Variants in PLCXD1 observed in about 807,000 individuals in gnomAD.
PLCXD1 encodes the protein phosphatidylinositol specific phospholipase C X domain containing 1.
PLCXD1 carries 45 observed loss-of-function variants against 37.8 expected under a neutral mutation model. The ratio of observed to expected loss-of-function variants is 1.19; its 90% CI spans 0.94 to 1.53. The LOEUF is 1.53. Among genes scored for constraint, PLCXD1 ranks in the 40% most tolerant of loss-of-function variants. The pLI, the probability that PLCXD1 is intolerant of heterozygous loss-of-function variation, is 0.00. For missense variants in PLCXD1, 539 were observed against 454.7 expected (o/e 1.19, Z -1.69); for synonymous variants, 246 against 206.9 (o/e 1.19, Z -1.62).
chrX:291,422 A>G, intron 4 of PLCXD1, 77 bp from the exon 5 acceptor site: 1 of 1,538,324 alleles, frequency 6.5e-7, no homozygotes, highest in South Asian at 1.1e-5. Flanking sequence ...CTGGGATGAC[A>G]GGCGTGAGCC....
Position 288,773 on chromosome X carries a change from C to A in PLCXD1, c.168C>A (p.Ser56=). 1.9e-6 allele frequency: 3 copies of A among 1,613,796 alleles called. No homozygotes were observed. The highest frequency in any genetic ancestry group is 2.5e-6 in the Non-Finnish European group (3 of 1,179,696). Residue 56 remains serine (S), a synonymous_variant, in exon 3 of 7, where the codon TCC becomes TCA. Coordinates refer to ENST00000381657, the MANE Select transcript of PLCXD1 (RefSeq NM_018390.4). ...DTMTYCLNKK[S]PISHEESRLL... is the part of the protein sequence containing the mutation. ...TGACGTACTGCCTGAACAAGAAGTC[C>A]CCCATTTCGCACGAGGAGTCCCGGC... is the stretch of plus-strand genomic sequence containing the variant.
At chrX:298,982 G>A in intron 6 of PLCXD1, 115 bp from the exon 7 acceptor site, 1 of 809,398 alleles carries the variant, frequency 1.2e-6, no homozygotes, top group East Asian at 2.5e-5. Flanking sequence ...TGTTGGACAT[G>A]GTGCTTTCAA....
intron 3 of PLCXD1, among the ~76,000 whole-genome samples, chrX:289,712 T>C (rs1406719041): frequency 4.0e-5 from 6 of 149,194 alleles, no homozygotes; most frequent in East Asian, 4.2e-4. Context: ...AGGGTTTCAC[T>C]GTGTTAGCCA....
chrX:291,490 C>G lies in PLCXD1; in HGVS notation c.394-9C>G, dbSNP rs780971691. ...CGTGCAGGACTCAGCCCAGCACCCC[C>G]CTCCCCAGGACACACTCACGGAAAT... On this transcript the variant is annotated splice_polypyrimidine_tract_variant and intron_variant, in intron 4 of 6. Coordinates refer to ENST00000381657, the MANE Select transcript of PLCXD1 (RefSeq NM_018390.4). The G allele has an allele frequency of 1.1e-5, 17 of 1,612,152 alleles. No individual in the cohort carries two copies. The Admixed American group carries it at 1.7e-4, about 16-fold the overall frequency.
intron 1 of PLCXD1, chrX:283,752 G>T: frequency 6.1e-6 from 1 of 164,822 alleles, no homozygotes; most frequent in South Asian, 1.3e-4. Context: ...CCAGCTAAAG[G>T]CTCGCATTTG....
upstream of PLCXD1, among the ~76,000 whole-genome samples, chrX:278,238 A>C (rs1316286267): frequency 6.8e-6 from 1 of 146,552 alleles, no homozygotes; most frequent in Non-Finnish European, 1.5e-5. Flanking sequence ...GGATATGATG[A>C]AGGTGACGGG....
chrX:294,758 C>T (rs28584544), intron 6 of PLCXD1, among the ~76,000 whole-genome samples: 50,646 of 151,766 alleles, frequency 0.33, 9,557 homozygotes, highest in East Asian at 0.52. Flanking sequence ...GGGCCGAGAT[C>T]GAGCCAGTGT....
chrX:296,601 C>A (rs1367290592), intron 6 of PLCXD1, among the ~76,000 whole-genome samples: 1 of 152,144 alleles, frequency 6.6e-6, no homozygotes, highest in African/African-American at 2.4e-5. Context: ...TAGGTGGAGC[C>A]CCCAAATTTG....
upstream of PLCXD1, among the ~76,000 whole-genome samples, chrX:278,095 C>G (rs867356160): frequency 9.0e-5 from 8 of 88,946 alleles, no homozygotes; most frequent in African/African-American, 3.4e-4. Flanking sequence ...TGAGGGAGGG[C>G]TCAGGAGGAC....
In PLCXD1 at chrX:299,197, G is replaced by A. The variant is rs768894424; in HGVS notation, c.834G>A (p.Pro278=). Reference sequence around the variant, plus strand: ...AGAAGATGACGCTGCCCAACCTTCCGCGGCTGAGCGCGTGGGTCCGAGAGC... The same window carrying A: ...AGAAGATGACGCTGCCCAACCTTCCACGGCTGAGCGCGTGGGTCCGAGAGC... ...SLEKMTLPNL[P]RLSAWVREQC... is the part of the protein sequence containing the mutation. Residue 278 remains proline (P), a synonymous_variant, in exon 7 of 7, where the codon CCG becomes CCA. Transcript: ENST00000381657. 8.7e-6 allele frequency: 14 copies of A among 1,613,746 alleles called. No homozygotes were observed. The highest frequency in any genetic ancestry group is 4.0e-5 in the African/African-American group (3 of 74,906).
intron 1 of PLCXD1, chrX:283,678 G>C (rs1435221176): frequency 1.3e-5 from 2 of 150,084 alleles, no homozygotes; most frequent in African/African-American, 2.5e-5. Flanking sequence ...GGGCGGCCTT[G>C]GTGTCAGGCA....
At position 299,296 on chromosome X, in the gene PLCXD1, T is replaced by G. The variant is rs757546342; in HGVS notation, c.933T>G (p.Ser311Arg). ...GDFIGADGFV[S>R]DVIALNQKLL... ...TCATCGGCGCAGACGGCTTCGTCAG[T>G]GACGTCATCGCGCTCAATCAGAAGC... The change falls in exon 7 of 7, where the codon AGT (serine) becomes AGG (arginine). Residue 311 changes from serine to arginine, a missense_variant. Coordinates refer to ENST00000381657, the MANE Select transcript of PLCXD1 (RefSeq NM_018390.4). The G allele has an allele frequency of 3.1e-6, 5 of 1,613,814 alleles. No individual in the cohort carries two copies. In the East Asian group the frequency reaches 1.1e-4, roughly 36 times the overall value.
intron 4 of PLCXD1, 131 bp from the exon 5 acceptor site, chrX:291,368 A>T: frequency 1.1e-6 from 1 of 937,828 alleles, no homozygotes; most frequent in South Asian, 1.5e-5. Context: ...CTGGTCTCAA[A>T]CTCCTAACCT....
In PLCXD1 at chrX:285,861, C is replaced by G. The variant is rs751594847; in HGVS notation, c.127+1547C>G. Among the ~76,000 whole-genome samples the G allele has an allele frequency of 9.8e-4, 149 of 152,264 alleles. 1 individual carries two copies. The highest frequency in any genetic ancestry group is 1.8e-3 in the Non-Finnish European group (120 of 68,024). ...CATTTGAGGACTGCAGCCCAGGAAA[C>G]CCTCCAACTCGCCTTAGGAAGTGGC... is the stretch of plus-strand genomic sequence containing the variant. On this transcript the variant is annotated intron_variant, in intron 2 of 6. Coordinates refer to ENST00000381657, the MANE Select transcript of PLCXD1 (RefSeq NM_018390.4).
intron 1 of PLCXD1, among the ~76,000 whole-genome samples, chrX:282,223 T>C (rs2069294430): frequency 6.6e-6 from 1 of 152,090 alleles, no homozygotes; most frequent in Admixed American, 6.6e-5. Context: ...TGATTAAAAA[T>C]CTTACATACA....
At chrX:294,341 G>T (rs1275211796) in intron 6 of PLCXD1, among the ~76,000 whole-genome samples, 1 of 152,134 alleles carries the variant, frequency 6.6e-6, no homozygotes, top group African/African-American at 2.4e-5. Context: ...AATTAGCCGG[G>T]CGTGGTGGCG....
At chrX:285,997 G>C (rs6644970) in intron 2 of PLCXD1, among the ~76,000 whole-genome samples, 2 of 151,722 alleles carry the variant, frequency 1.3e-5, no homozygotes, top group Non-Finnish European at 2.9e-5. Context: ...AAGTGGCATC[G>C]AGCACTGATC....
intron 6 of PLCXD1, among the ~76,000 whole-genome samples, chrX:295,815 C>T (rs1484262309): frequency 2.0e-5 from 3 of 151,790 alleles, no homozygotes; most frequent in Admixed American, 6.6e-5. Context: ...GCGTGAGCCA[C>T]GGTGCCAGGC....
rs772068793 is a variant in PLCXD1, at chrX:285,374, GTATA to G, written c.127+1068_127+1071del. Among the ~76,000 whole-genome samples, 7 of 119,042 alleles carry G rather than the reference GTATA, an allele frequency of 5.9e-5. No homozygotes were observed. The East Asian group carries it at 1.2e-3, about 21-fold the overall frequency. 78.1% of individuals were successfully genotyped at this position (119,042 alleles called of 152,430 possible). A position where few individuals can be genotyped will look rare whatever the true frequency, so the allele number is the denominator to read the frequency against. On this transcript the variant is annotated intron_variant, in intron 2 of 6. Transcript: ENST00000381657. ...TACACATGTACACACATGCACACATGTATATATATATTTGCACCTATGCACACAT... is the reference window on the plus strand; with the variant it reads ...TACACATGTACACACATGCACACATGTATATATTTGCACCTATGCACACAT...
Sources: gnomAD v4.1 joint callset for allele counts (sites outside exome capture counted in the v4.1 genomes callset) on GRCh38, gnomAD v4.1.1 for gene constraint, MANE v1.5 for transcripts, NCBI Gene and HGNC (gene_info 2026-07-23, HGNC 2026-07-21) for gene names.